The following PLCXD3 variants were observed in gnomAD, a reference collection of about 807,000 sequenced individuals.
The protein encoded by PLCXD3 is PI-PLC X domain-containing protein 3.
Under a neutral mutation model 25.5 loss-of-function variants are expected in PLCXD3, and 19 were observed. The observed-to-expected ratio is 0.75, with a 90% CI of 0.52 to 1.09. The LOEUF (loss-of-function observed/expected upper bound fraction) is 1.09, where lower values mean the gene tolerates loss of function less well. Ranked by LOEUF, PLCXD3 falls within the 50% of genes least tolerant of loss-of-function variation. PLCXD3 has a pLI of 0.00. For missense variants in PLCXD3, 411 were observed against 388.1 expected, an observed-to-expected ratio of 1.06 and a Z score of -0.50; for synonymous variants, 174 against 137.6, an observed-to-expected ratio of 1.26 and a Z score of -1.85.
chr5:41,370,859 G>A (rs964049315), intron 2 of PLCXD3, among the ~76,000 whole-genome samples: 2 of 152,152 alleles, frequency 1.3e-5, no homozygotes, highest in Non-Finnish European at 2.9e-5. Flanking sequence ...GAAACCTCGG[G>A]AAGACAAATG....
At position 41,477,513 on chromosome 5, in the gene PLCXD3, A is replaced by G. The variant is rs140779510; in HGVS notation, c.103+32911T>C. ...TGTGACATTTGCCTGGGTTCCATTT[A>G]AAGAGTACATCAAAGAATCAGGTGC... On this transcript the variant is annotated intron_variant, in intron 1 of 2. Coordinates refer to ENST00000377801, the MANE Select transcript of PLCXD3 (RefSeq NM_001005473.3). Among the ~76,000 whole-genome samples, 689 of 152,202 alleles carry G rather than the reference A, an allele frequency of 4.5e-3. 9 individuals are homozygous for G. The highest frequency in any genetic ancestry group is 0.016 in the African/African-American group (658 of 41,526).
intron 1 of PLCXD3, among the ~76,000 whole-genome samples, chr5:41,462,671 GC>G (rs1421954595): frequency 6.6e-6 from 1 of 151,910 alleles, no homozygotes; most frequent in Non-Finnish European, 1.5e-5. Flanking sequence ...TATAATCCCA[GC>G]TACTCGGAAG....
At chr5:41,426,366 C>A (rs1746957342) in intron 1 of PLCXD3, among the ~76,000 whole-genome samples, 1 of 151,896 alleles carries the variant, frequency 6.6e-6, no homozygotes, top group South Asian at 2.1e-4. Context: ...TTCTTACCAT[C>A]TCATTTATGC....
At chr5:41,448,634 C>A (rs1227251118) in intron 1 of PLCXD3, among the ~76,000 whole-genome samples, 2 of 152,170 alleles carry the variant, frequency 1.3e-5, no homozygotes, top group African/African-American at 2.4e-5. Flanking sequence ...TCCTTTCTAA[C>A]TTTCCTAACT....
At chr5:41,344,889 C>A (rs1051658393) in intron 2 of PLCXD3, among the ~76,000 whole-genome samples, 3 of 152,130 alleles carry the variant, frequency 2.0e-5, no homozygotes, top group Non-Finnish European at 4.4e-5. Context: ...GGGCACTAAG[C>A]ACTGAGGAGT....
intron 2 of PLCXD3, among the ~76,000 whole-genome samples, chr5:41,344,173 T>C (rs1744240731): frequency 6.6e-6 from 1 of 152,134 alleles, no homozygotes; most frequent in African/African-American, 2.4e-5. Flanking sequence ...GGCATTAAGC[T>C]AGCATTTAGA....
At chr5:41,403,763 C>T (rs1206767005) in intron 1 of PLCXD3, among the ~76,000 whole-genome samples, 2 of 139,988 alleles carry the variant, frequency 1.4e-5, no homozygotes, top group East Asian at 4.1e-4. Flanking sequence ...CATAGTATTC[C>T]ATGGTGTATA....
At position 41,510,576 on chromosome 5, in the gene PLCXD3, T is replaced by C. The variant is rs571750954; in HGVS notation, c.-50A>G. ...TGGTCCCAGCACTCCTCGGGCAGGCTGGCAGGCTGCTGCCGCTAATCCAAT... is the reference window on the plus strand; with the variant it reads ...TGGTCCCAGCACTCCTCGGGCAGGCCGGCAGGCTGCTGCCGCTAATCCAAT... On this transcript the variant is annotated 5_prime_UTR_variant, in exon 1 of 3. Transcript: ENST00000377801. The C allele has an allele frequency of 1.4e-6, 2 of 1,467,798 alleles. No homozygotes were observed. The highest frequency in any genetic ancestry group is 1.9e-6 in the Non-Finnish European group (2 of 1,057,408). 90.9% of individuals were successfully genotyped at this position (1,467,798 alleles called of 1,614,324 possible).
At chr5:41,429,394 G>A (rs1163576746) in intron 1 of PLCXD3, among the ~76,000 whole-genome samples, 1 of 152,050 alleles carries the variant, frequency 6.6e-6, no homozygotes, top group East Asian at 1.9e-4. Flanking sequence ...AGGGGAGGGA[G>A]GGAGAGAAGG....
intron 2 of PLCXD3, among the ~76,000 whole-genome samples, chr5:41,376,755 G>A (rs908340095): frequency 6.6e-6 from 1 of 151,994 alleles, no homozygotes; most frequent in African/African-American, 2.4e-5. Context: ...TTTAGGTATT[G>A]CATGTTCTTG....
At chr5:41,427,980 G>A (rs969830264) in intron 1 of PLCXD3, among the ~76,000 whole-genome samples, 1 of 152,122 alleles carries the variant, frequency 6.6e-6, no homozygotes, top group African/African-American at 2.4e-5. Flanking sequence ...CCTCTTAGGG[G>A]AGCCACCCTG....
At chr5:41,413,617 G>T (rs1580360526) in intron 1 of PLCXD3, among the ~76,000 whole-genome samples, 4 of 152,232 alleles carry the variant, frequency 2.6e-5, no homozygotes, top group Admixed American at 2.6e-4. Context: ...CAGTCAATGT[G>T]CTTGAATTAC....
chr5:41,505,135 A>C (rs1252660569), intron 1 of PLCXD3, among the ~76,000 whole-genome samples: 1 of 152,024 alleles, frequency 6.6e-6, no homozygotes, highest in African/African-American at 2.4e-5. Flanking sequence ...GGGTATAATA[A>C]ATTTTTACAC....
chr5:41,471,281 C>T (rs561841695), intron 1 of PLCXD3, among the ~76,000 whole-genome samples: 1 of 152,264 alleles, frequency 6.6e-6, no homozygotes, highest in East Asian at 1.9e-4. Context: ...TCTTGAATTG[C>T]CAATGCCACC....
chr5:41,396,068 A>G (rs985433348), intron 1 of PLCXD3, among the ~76,000 whole-genome samples: 1 of 152,062 alleles, frequency 6.6e-6, no homozygotes, highest in Non-Finnish European at 1.5e-5. Flanking sequence ...ATGAATATTG[A>G]TGCAAAAATC....
At chr5:41,494,808 T>C (rs1305114937) in intron 1 of PLCXD3, among the ~76,000 whole-genome samples, 2 of 152,048 alleles carry the variant, frequency 1.3e-5, no homozygotes, top group African/African-American at 2.4e-5. Flanking sequence ...AATGTAACAA[T>C]AGAAAAAAGG....
chr5:41,371,302 G>T (rs1450846233), intron 2 of PLCXD3, among the ~76,000 whole-genome samples: 1 of 152,124 alleles, frequency 6.6e-6, no homozygotes, highest in Non-Finnish European at 1.5e-5. Context: ...AGCAGCCCCT[G>T]ACAACTGAGA....
intron 1 of PLCXD3, among the ~76,000 whole-genome samples, chr5:41,395,855 C>T (rs1313194139): frequency 1.3e-5 from 2 of 152,034 alleles, no homozygotes; most frequent in Non-Finnish European, 2.9e-5. Flanking sequence ...GATGGTTTCA[C>T]TGCTGAATTC....
chr5:41,348,836 G>A (rs1335477638), intron 2 of PLCXD3, among the ~76,000 whole-genome samples: 1 of 152,072 alleles, frequency 6.6e-6, no homozygotes, highest in Non-Finnish European at 1.5e-5. Context: ...AACCTCCTGG[G>A]AATGAAAATA....
Sources: allele counts gnomAD v4.1 joint callset (sites outside exome capture counted in the v4.1 genomes callset), GRCh38; gene constraint gnomAD v4.1.1; transcripts MANE v1.5; gene names NCBI Gene and HGNC (gene_info 2026-07-23, HGNC 2026-07-21).